The following PIK3C2G variants were observed in gnomAD, a reference collection of about 807,000 sequenced individuals.
The protein encoded by PIK3C2G is phosphatidylinositol 3-kinase C2 domain-containing subunit gamma.
Under a neutral mutation model 181.1 loss-of-function variants are expected in PIK3C2G, and 168 were observed. The observed-to-expected ratio is 0.93, with a 90% CI of 0.82 to 1.05. The LOEUF (loss-of-function observed/expected upper bound fraction) is 1.05. PIK3C2G is among the 50% of genes least tolerant of loss of function. The pLI is 0.00. For synonymous variants in PIK3C2G, 573 were observed against 592.2 expected (o/e 0.97, Z 0.47); for missense variants, 1,869 against 1,732.8 (o/e 1.08, Z -1.40).
chr12:18,694,372 A>C, the PIK3C2G span, among the ~76,000 whole-genome samples: 1 of 152,322 alleles, frequency 6.6e-6, no homozygotes, highest in Admixed American at 6.5e-5. Context: ...AATATGTTAA[A>C]GTTGACACAA....
At chr12:18,670,870 A>G in the PIK3C2G span, among the ~76,000 whole-genome samples, 1 of 152,142 alleles carries the variant, frequency 6.6e-6, no homozygotes, top group African/African-American at 2.4e-5. Context: ...TTTCAATTGG[A>G]AAAATTATTT....
At chr12:18,248,406 A>T (rs1236567178) in intron 1 of PIK3C2G, among the ~76,000 whole-genome samples, 1 of 152,050 alleles carries the variant, frequency 6.6e-6, no homozygotes, top group Non-Finnish European at 1.5e-5. Flanking sequence ...CCCCGTCTCT[A>T]CTAAAAAAAA....
rs11427292 is a variant in PIK3C2G, at chr12:18,445,421, TA to T, written c.2504+21393del. 3.5e-3 allele frequency among the ~76,000 whole-genome samples: 527 copies of T among 148,806 alleles called. 1 individual carries two copies. Among genetic ancestry groups the T allele is most frequent in the Non-Finnish European group, 5.7e-3 (381 of 66,762 alleles). ...TTTCACCTATCAGATTGGCAAAAAT[TA>T]AAAAAAAAAATTGGTGGCAGCCTAC... On this transcript the variant is annotated intron_variant, in intron 18 of 32. Coordinates refer to ENST00000538779, the MANE Select transcript of PIK3C2G (RefSeq NM_001288772.2).
chr12:18,694,923 G>A, the PIK3C2G span: 3 of 1,595,278 alleles, frequency 1.9e-6, no homozygotes, highest in African/African-American at 1.3e-5. Context: ...TATTGTAAGT[G>A]TAATTGGCAT....
At chr12:18,608,906 G>T (rs984418644) in intron 30 of PIK3C2G, among the ~76,000 whole-genome samples, 1 of 152,034 alleles carries the variant, frequency 6.6e-6, no homozygotes, top group East Asian at 1.9e-4. Flanking sequence ...TCTGTGCAGG[G>T]GGTGGGAGGA....
chr12:18,533,091 T>G (rs905195014), intron 24 of PIK3C2G, among the ~76,000 whole-genome samples: 1 of 152,112 alleles, frequency 6.6e-6, no homozygotes, highest in African/African-American at 2.4e-5. Flanking sequence ...ACCTTATGTT[T>G]GCTTTGTATA....
intron 18 of PIK3C2G, among the ~76,000 whole-genome samples, chr12:18,447,586 C>T (rs7296381): frequency 0.14 from 21,842 of 151,912 alleles, 1,763 homozygotes; most frequent in African/African-American, 0.21. Flanking sequence ...ATTATTTGTT[C>T]TGAATATGTT....
chr12:18,384,727 C>T (rs1943059627), intron 14 of PIK3C2G, among the ~76,000 whole-genome samples: 1 of 152,106 alleles, frequency 6.6e-6, no homozygotes, highest in Admixed American at 6.5e-5. Context: ...AATAGTGGCA[C>T]CGATTTCCAC....
intron 14 of PIK3C2G, among the ~76,000 whole-genome samples, chr12:18,383,992 T>TC (rs986886754): frequency 2.0e-5 from 3 of 146,758 alleles, no homozygotes; most frequent in Non-Finnish European, 3.0e-5. Flanking sequence ...TTATTATTTT[T>TC]TTTTTTTTTG....
At chr12:18,600,123 C>T (rs1947627334) in intron 30 of PIK3C2G, among the ~76,000 whole-genome samples, 1 of 151,750 alleles carries the variant, frequency 6.6e-6, no homozygotes, top group South Asian at 2.1e-4. Context: ...TCTTCAAATG[C>T]CTATGAAAGT....
At chr12:18,347,945 CAT>C (rs1198565914) in intron 11 of PIK3C2G, among the ~76,000 whole-genome samples, 1 of 151,984 alleles carries the variant, frequency 6.6e-6, no homozygotes, top group Non-Finnish European at 1.5e-5. Context: ...TATCTACACA[CAT>C]ATTTGTTTAG....
chr12:18,388,917 AC>A (rs1205040859), intron 14 of PIK3C2G, among the ~76,000 whole-genome samples: 2 of 152,188 alleles, frequency 1.3e-5, no homozygotes, highest in Admixed American at 6.5e-5. Context: ...CCCCAAAAAA[AC>A]ATATTTTTGT....
chr12:18,438,873 A>C (rs1946587234), intron 18 of PIK3C2G, among the ~76,000 whole-genome samples: 1 of 151,984 alleles, frequency 6.6e-6, no homozygotes, highest in African/African-American at 2.4e-5. Context: ...GGCTTAACAC[A>C]GTTTTTATTA....
At chr12:18,592,535 G>T (rs1947139127) in intron 29 of PIK3C2G, among the ~76,000 whole-genome samples, 1 of 151,862 alleles carries the variant, frequency 6.6e-6, no homozygotes. Flanking sequence ...TTTAGTGGCA[G>T]AAACCTGAAT....
intron 6 of PIK3C2G, among the ~76,000 whole-genome samples, chr12:18,318,628 CATT>C (rs1394911872): frequency 6.6e-6 from 1 of 151,766 alleles, no homozygotes; most frequent in Non-Finnish European, 1.5e-5. Flanking sequence ...TGACTATCAT[CATT>C]ATATTAAATT....
At position 18,282,102 on chromosome 12, in the gene PIK3C2G, G is replaced by C. The variant is rs375108681; in HGVS notation, c.21G>C (p.Thr7=). MAYSWQ[T]DPNPNESHEK... ...AAAAAATGGCATATTCTTGGCAAACGGATCCAAATCCTAATGAATCACACG... is the reference window on the plus strand; with the variant it reads ...AAAAAATGGCATATTCTTGGCAAACCGATCCAAATCCTAATGAATCACACG... Residue 7 remains threonine, a synonymous_variant, in exon 2 of 33, where the codon ACG becomes ACC. Coordinates refer to ENST00000538779, the MANE Select transcript of PIK3C2G (RefSeq NM_001288772.2). The C allele has an allele frequency of 1.9e-6, 3 of 1,598,796 alleles. No homozygotes were observed. The Admixed American group carries it at 5.2e-5, about 28-fold the overall frequency.
chr12:18,268,463 A>G (rs1158847986), intron 1 of PIK3C2G, among the ~76,000 whole-genome samples: 2 of 152,034 alleles, frequency 1.3e-5, no homozygotes, highest in Non-Finnish European at 2.9e-5. Flanking sequence ...AGTCTATTTG[A>G]CCAGCTTTTA....
chr12:18,562,914 T>C (rs756744397), intron 27 of PIK3C2G, 22 bp downstream of exon 27: 22 of 1,494,754 alleles, frequency 1.5e-5, no homozygotes, highest in Non-Finnish European at 1.9e-5. Flanking sequence ...GTCCGTCATC[T>C]TGACTTACGT....
At chr12:18,247,793 T>C (rs960597355) in exon 1 of PIK3C2G, 1 of 152,226 alleles carries the variant, frequency 6.6e-6, no homozygotes, top group Non-Finnish European at 1.5e-5. Context: ...CATTCACACG[T>C]GCAAGCTCCC....
Sources: allele counts gnomAD v4.1 joint callset (sites outside exome capture counted in the v4.1 genomes callset), GRCh38; gene constraint gnomAD v4.1.1; transcripts MANE v1.5; gene names NCBI Gene and HGNC (gene_info 2026-07-23, HGNC 2026-07-21).